Variants in GPC6 observed in about 807,000 individuals in gnomAD.
GPC6 encodes glypican 6, also known as glypican-6.
GPC6 carries 14 observed loss-of-function variants against 55.2 expected under a neutral mutation model. The ratio of observed to expected loss-of-function variants is 0.25; its 90% CI spans 0.17 to 0.40. The LOEUF (loss-of-function observed/expected upper bound fraction) is 0.40, where lower values mean the gene tolerates loss of function less well. Ranked by LOEUF, GPC6 falls within the 10% of genes least tolerant of loss-of-function variation. The pLI, the probability that GPC6 is intolerant of heterozygous loss-of-function variation, is 1.00. For missense variants in GPC6, 641 were observed against 708.5 expected, an observed-to-expected ratio of 0.90 and a Z score of 1.08; for synonymous variants, 278 against 259.6, an observed-to-expected ratio of 1.07 and a Z score of -0.68.
intron 2 of GPC6, among the ~76,000 whole-genome samples, chr13:93,556,263 A>G (rs1422724362): frequency 6.6e-6 from 1 of 151,850 alleles, no homozygotes; most frequent in Non-Finnish European, 1.5e-5. Flanking sequence ...TATTTTTCAC[A>G]ATTGGTAAAA....
intron 1 of GPC6, among the ~76,000 whole-genome samples, chr13:93,393,217 C>A (rs1392817469): frequency 6.6e-6 from 1 of 150,528 alleles, no homozygotes; most frequent in Non-Finnish European, 1.5e-5. Context: ...TGGCTCACTG[C>A]AACCTCTGCC....
At chr13:93,279,398 T>G (rs1426606273) in intron 1 of GPC6, among the ~76,000 whole-genome samples, 2 of 152,250 alleles carry the variant, frequency 1.3e-5, no homozygotes, top group Non-Finnish European at 2.9e-5. Flanking sequence ...TTGGAAACGC[T>G]ATACAATAAT....
At chr13:93,687,369 A>G (rs1171799220) in intron 2 of GPC6, among the ~76,000 whole-genome samples, 1 of 152,124 alleles carries the variant, frequency 6.6e-6, no homozygotes, top group Admixed American at 6.6e-5. Context: ...ATGGCATTAC[A>G]TAAATATTTG....
chr13:93,623,313 T>C (rs1007562333), intron 2 of GPC6, among the ~76,000 whole-genome samples: 2 of 152,150 alleles, frequency 1.3e-5, no homozygotes, highest in Non-Finnish European at 2.9e-5. Flanking sequence ...CTAAATCACA[T>C]GGTTATTTCA....
At chr13:93,962,953 A>G (rs1879855434) in intron 3 of GPC6, among the ~76,000 whole-genome samples, 2 of 152,178 alleles carry the variant, frequency 1.3e-5, no homozygotes, top group Admixed American at 6.5e-5. Context: ...CTATCTCACC[A>G]TTAATATTTA....
chr13:94,356,416 T>C (rs1236000172), intron 6 of GPC6, among the ~76,000 whole-genome samples: 2 of 152,144 alleles, frequency 1.3e-5, no homozygotes, highest in African/African-American at 2.4e-5. Flanking sequence ...TCATTTGTTG[T>C]TGGAATCTTG....
chr13:93,823,294 G>T (rs1229349518), intron 2 of GPC6, among the ~76,000 whole-genome samples: 1 of 152,096 alleles, frequency 6.6e-6, no homozygotes, highest in African/African-American at 2.4e-5. Context: ...ATCATGGTCT[G>T]AAAATTTGAC....
intron 4 of GPC6, among the ~76,000 whole-genome samples, chr13:94,132,481 C>T (rs888888424): frequency 6.6e-6 from 1 of 152,144 alleles, no homozygotes; most frequent in African/African-American, 2.4e-5. Context: ...CCTCATGGAA[C>T]AGGGCATTTT....
chr13:93,466,001 G>C (rs968457561), intron 1 of GPC6, among the ~76,000 whole-genome samples: 1 of 152,108 alleles, frequency 6.6e-6, no homozygotes, highest in Admixed American at 6.6e-5. Context: ...TGATAGACCA[G>C]TCAGAACACA....
rs563624400 is a variant in GPC6, at chr13:93,835,767, T to G, written c.711+5222T>G. On this transcript the variant is annotated intron_variant, in intron 3 of 8. Coordinates refer to ENST00000377047, the MANE Select transcript of GPC6 (RefSeq NM_005708.5). ...AACTCCTTCTAAATAAATAAATAAATAAATAAATTTAAAAATTTTTAAGAA... is the reference window on the plus strand; with the variant it reads ...AACTCCTTCTAAATAAATAAATAAAGAAATAAATTTAAAAATTTTTAAGAA... Among the ~76,000 whole-genome samples, 33 of 152,146 alleles carry G rather than the reference T, an allele frequency of 2.2e-4. 1 individual carries two copies. Among genetic ancestry groups the G allele is most frequent in the African/African-American group, 7.2e-4 (30 of 41,534 alleles).
At chr13:93,737,449 AATCCTTGGTAGAAAAT>A (rs1412072839) in intron 2 of GPC6, among the ~76,000 whole-genome samples, 2 of 152,168 alleles carry the variant, frequency 1.3e-5, no homozygotes, top group East Asian at 1.9e-4. Flanking sequence ...GGAGCACCAT[AATCCTTGGTAGAAAAT>A]ACTTGGAAAA....
rs867101116 is a variant in GPC6 at position 93,363,705 on chromosome 13, G to A, written c.160+136089G>A. On this transcript the variant is annotated intron_variant, in intron 1 of 8. Coordinates refer to ENST00000377047, the MANE Select transcript of GPC6 (RefSeq NM_005708.5). ...TCTAGTTCTAGATCCCTGAGGAATC[G>A]CCACACTGACTTCCACAATGGTTGA... Among the ~76,000 whole-genome samples the A allele has an allele frequency of 7.3e-5, 11 of 151,084 alleles. No homozygotes were observed. The South Asian group carries it at 1.5e-3, about 20-fold the overall frequency.
At chr13:93,496,266 G>A (rs765199149) in intron 1 of GPC6, among the ~76,000 whole-genome samples, 10 of 152,138 alleles carry the variant, frequency 6.6e-5, no homozygotes, top group African/African-American at 2.4e-4. Context: ...CACAATATTC[G>A]GGTGGGAGTG....
At chr13:93,367,264 C>T (rs1245245617) in intron 1 of GPC6, among the ~76,000 whole-genome samples, 1 of 149,462 alleles carries the variant, frequency 6.7e-6, no homozygotes, top group East Asian at 2.3e-4. Context: ...TATTCTGATG[C>T]TAGTGATGAA....
chr13:93,720,838 A>T (rs1883430861), intron 2 of GPC6, among the ~76,000 whole-genome samples: 2 of 152,180 alleles, frequency 1.3e-5, no homozygotes, highest in Non-Finnish European at 2.9e-5. Context: ...GTAATCATTC[A>T]GGAGCAGATT....
At chr13:93,571,273 G>T (rs995522318) in intron 2 of GPC6, among the ~76,000 whole-genome samples, 2 of 152,056 alleles carry the variant, frequency 1.3e-5, no homozygotes, top group Admixed American at 1.3e-4. Flanking sequence ...ATACATACAT[G>T]CACACTACTT....
intron 2 of GPC6, among the ~76,000 whole-genome samples, chr13:93,591,532 C>G (rs1877487599): frequency 6.6e-6 from 1 of 150,588 alleles, no homozygotes; most frequent in Non-Finnish European, 1.5e-5. Context: ...AAATGTGTAA[C>G]TTTTGCATTC....
chr13:94,085,061 C>T (rs1486373841), intron 4 of GPC6, among the ~76,000 whole-genome samples: 1 of 151,990 alleles, frequency 6.6e-6, no homozygotes, highest in African/African-American at 2.4e-5. Flanking sequence ...CGGTGGCTCA[C>T]ACCTGTAATC....
intron 2 of GPC6, among the ~76,000 whole-genome samples, chr13:93,745,537 A>G (rs1440261154): frequency 6.6e-6 from 1 of 152,136 alleles, no homozygotes; most frequent in Non-Finnish European, 1.5e-5. Flanking sequence ...AGACAGTCCA[A>G]ACTTACAATG....
Sources: allele counts gnomAD v4.1 joint callset (sites outside exome capture counted in the v4.1 genomes callset), GRCh38; gene constraint gnomAD v4.1.1; transcripts MANE v1.5; gene names NCBI Gene and HGNC (gene_info 2026-07-23, HGNC 2026-07-21).